The following HELZ variants were observed in gnomAD, a reference collection of about 807,000 sequenced individuals.
HELZ encodes the protein helicase with zinc finger.
HELZ carries 23 observed loss-of-function variants against 218.2 expected under a neutral mutation model. The ratio of observed to expected loss-of-function variants is 0.11; its 90% CI spans 0.08 to 0.15. HELZ has a LOEUF of 0.15. Ranked by LOEUF, HELZ falls within the 10% of genes least tolerant of loss-of-function variation. The pLI, the probability that HELZ is intolerant of heterozygous loss-of-function variation, is 1.00. For missense variants in HELZ, 1,813 were observed against 2,353.7 expected (o/e 0.77, Z 4.75); for synonymous variants, 814 against 829.4 (o/e 0.98, Z 0.32).
intron 15 of HELZ, among the ~76,000 whole-genome samples, chr17:67,164,280 A>G (rs1045899715): frequency 6.6e-6 from 1 of 152,234 alleles, no homozygotes; most frequent in Non-Finnish European, 1.5e-5. Context: ...CATGTCAGGC[A>G]CTCAATAAAT....
At chr17:67,194,142 C>T in intron 8 of HELZ, 100 bp from the exon 9 acceptor site, 1 of 781,904 alleles carries the variant, frequency 1.3e-6, no homozygotes, top group South Asian at 1.6e-5. Flanking sequence ...CATACATCAT[C>T]CCATATGATG....
At position 67,242,271 on chromosome 17, in the gene HELZ, C is replaced by T. The variant is rs139531324; in HGVS notation, c.-76+1513G>A. ...TCTCTACTAAAAATACAAAATTAGC[C>T]GGGTGTGGTGGCGTAAGCCTGTAAT... On this transcript the variant is annotated intron_variant, in intron 2 of 32. Transcript: ENST00000358691. Among the ~76,000 whole-genome samples, 883 of 152,002 alleles carry T rather than the reference C, an allele frequency of 5.8e-3. 10 individuals carry two copies. Among genetic ancestry groups the T allele is most frequent in the African/African-American group, 0.019 (792 of 41,462 alleles).
intron 4 of HELZ, among the ~76,000 whole-genome samples, chr17:67,218,039 A>C (rs1412361031): frequency 6.6e-6 from 1 of 150,666 alleles, no homozygotes; most frequent in Non-Finnish European, 1.5e-5. Context: ...GGTTCAAGCG[A>C]TCCTCCTGGC....
intron 31 of HELZ, among the ~76,000 whole-genome samples, chr17:67,088,992 T>A (rs1227350272): frequency 1.3e-5 from 2 of 152,316 alleles, no homozygotes; most frequent in East Asian, 1.9e-4. Context: ...TCTTTTTTTT[T>A]AAATCAAGGT....
intron 3 of HELZ, among the ~76,000 whole-genome samples, chr17:67,232,962 T>A (rs1301609466): frequency 6.6e-6 from 1 of 152,142 alleles, no homozygotes; most frequent in Non-Finnish European, 1.5e-5. Flanking sequence ...AGTGAAACCC[T>A]GTCTCTACTA....
rs759284525 is a variant in HELZ at position 67,122,955 on chromosome 17, C to T, written c.3630+15G>A. ...TTACTTGATTCAATAGAAAGTATTT[C>T]GAATGTCCACTTACAGGTAAAGGCA... is the stretch of plus-strand genomic sequence containing the variant. On this transcript the variant is annotated intron_variant, in intron 26 of 32. Transcript: ENST00000358691. The T allele has an allele frequency of 2.4e-5, 37 of 1,559,480 alleles. No homozygotes were observed. The highest frequency in any genetic ancestry group is 2.4e-4 in the Admixed American group (14 of 59,208).
At chr17:67,238,313 C>CTCCA (rs1169681272) in intron 3 of HELZ, among the ~76,000 whole-genome samples, 10 of 144,492 alleles carry the variant, frequency 6.9e-5, no homozygotes, top group African/African-American at 2.3e-4. Flanking sequence ...CACCACTGCA[C>CTCCA]TCCAGCCTGG....
chr17:67,112,999 A>G (rs1046648408), intron 28 of HELZ, among the ~76,000 whole-genome samples: 21 of 152,358 alleles, frequency 1.4e-4, no homozygotes, highest in African/African-American at 4.1e-4. Context: ...GTAAGAGCAC[A>G]ATAGTTTTAG....
intron 17 of HELZ, among the ~76,000 whole-genome samples, chr17:67,155,603 G>A (rs939668705): frequency 3.3e-5 from 5 of 152,138 alleles, no homozygotes; most frequent in South Asian, 2.1e-4. Context: ...TTGGGAGGCC[G>A]AGGCGGGCAG....
chr17:67,190,224 T>G lies in HELZ; in HGVS notation c.689A>C (p.Gln230Pro). 1.9e-6 allele frequency: 3 copies of G among 1,614,062 alleles called. No homozygotes were observed. The highest frequency in any genetic ancestry group is 2.5e-6 in the Non-Finnish European group (3 of 1,179,902). ...IKLKQQNENK[Q>P]LSGSYMETLI... ...GGTTTCCATGTAACTGCCTGAGAGCTGTTTATTCTCATTTTGCTGTTTCAA... is the reference window on the plus strand; with the variant it reads ...GGTTTCCATGTAACTGCCTGAGAGCGGTTTATTCTCATTTTGCTGTTTCAA... The change falls in exon 10 of 33, where the codon CAG becomes CCG. Residue 230 changes from glutamine (Q) to proline (P), a missense_variant. By Grantham distance (76) the Gln-to-Pro change is moderately conservative (BLOSUM62 -1). Transcript: ENST00000358691.
Position 67,167,512 on chromosome 17 carries a change from G to C in HELZ, c.1715C>G (p.Ser572Cys), listed in dbSNP as rs1281246478. Residue 572 changes from serine to cysteine, a missense_variant, in exon 14 of 33, where the codon TCT (serine) becomes TGT (cysteine). Around this residue, in one of 4 missense-constraint regions of HELZ, gnomAD observed 714 missense variants for 1,029.2 expected, o/e 0.69. Coordinates refer to ENST00000358691, the MANE Select transcript of HELZ (RefSeq NM_014877.4). ...KTKEYIFLRLSRECCEELNLR... is the reference protein window; with the variant it reads ...KTKEYIFLRLCRECCEELNLR... ...ATTAAGTTCTTCACAGCATTCCCTAGATAGCCTTAAAAATATATATTCCTT... is the reference window on the plus strand; with the variant it reads ...ATTAAGTTCTTCACAGCATTCCCTACATAGCCTTAAAAATATATATTCCTT... 3 of 1,613,864 alleles carry C rather than the reference G, an allele frequency of 1.9e-6. No homozygotes were observed. The highest frequency in any genetic ancestry group is 2.5e-6 in the Non-Finnish European group (3 of 1,179,762).
At chr17:67,185,107 C>T (rs2039719932) in intron 12 of HELZ, among the ~76,000 whole-genome samples, 1 of 152,152 alleles carries the variant, frequency 6.6e-6, no homozygotes, top group Admixed American at 6.5e-5. Context: ...GTCAGATTGT[C>T]ACCAATTTAA....
At chr17:67,104,383 G>C (rs2037028651) in intron 31 of HELZ, among the ~76,000 whole-genome samples, 1 of 151,040 alleles carries the variant, frequency 6.6e-6, no homozygotes, top group Admixed American at 6.6e-5. Flanking sequence ...AGCTTGCAGT[G>C]AGCCGAGATG....
At chr17:67,148,513 C>T in intron 20 of HELZ, 56 bp downstream of exon 20, 1 of 1,505,622 alleles carries the variant, frequency 6.6e-7, no homozygotes, top group Non-Finnish European at 9.1e-7. Flanking sequence ...GTTTTGAGTT[C>T]CCTCCTACTA....
chr17:67,117,482 A>C (rs571990627), intron 27 of HELZ, among the ~76,000 whole-genome samples: 1 of 152,304 alleles, frequency 6.6e-6, no homozygotes, highest in Non-Finnish European at 1.5e-5. Context: ...AAAAATTATA[A>C]ATTAAATACT....
intron 1 of HELZ, chr17:67,244,752 G>T (rs1218230493): frequency 1.0e-6 from 1 of 984,450 alleles, no homozygotes; most frequent in Admixed American, 6.1e-5. Context: ...AGGCCCGCAC[G>T]CTCCCCACCC....
At chr17:67,201,956 A>C (rs2040180014) in intron 6 of HELZ, among the ~76,000 whole-genome samples, 1 of 152,206 alleles carries the variant, frequency 6.6e-6, no homozygotes. Context: ...TCCTTAGAAA[A>C]TAACTATCCC....
intron 20 of HELZ, 42 bp downstream of exon 20, chr17:67,148,527 G>T (rs757120445): frequency 3.2e-6 from 5 of 1,574,090 alleles, no homozygotes; most frequent in South Asian, 1.2e-5. Flanking sequence ...CCTACTATCA[G>T]ACCAACGAAA....
At chr17:67,181,022 C>T (rs2039596319) in intron 12 of HELZ, among the ~76,000 whole-genome samples, 1 of 151,846 alleles carries the variant, frequency 6.6e-6, no homozygotes. Context: ...CACTGCACTC[C>T]AGCCTGGCGA....
Sources: allele counts gnomAD v4.1 joint callset (sites outside exome capture counted in the v4.1 genomes callset), GRCh38; gene constraint gnomAD v4.1.1; regional missense constraint gnomAD v4.1.1; transcripts MANE v1.5; gene names NCBI Gene and HGNC (gene_info 2026-07-23, HGNC 2026-07-21).